ADGRE5: variants seen among roughly 807,000 people sequenced by gnomAD.
The protein encoded by ADGRE5 is adhesion G protein-coupled receptor E5, also known as CD97 molecule.
In ADGRE5, 72 loss-of-function variants were observed where a neutral mutation model predicts 100.3. The ratio of observed to expected loss-of-function variants is 0.72; its 90% confidence interval spans 0.59 to 0.87. The LOEUF (loss-of-function observed/expected upper bound fraction) is 0.87. Among genes scored for constraint, ADGRE5 ranks in the 40% least tolerant of loss-of-function variants. The pLI is 0.00. For missense variants in ADGRE5, 959 were observed against 1,094.7 expected (o/e 0.88, Z 1.75); for synonymous variants, 439 against 447.8 (o/e 0.98, Z 0.25).
rs1029084357 is a variant in ADGRE5, at chr19:14,408,642, G to A, written c.*521G>A. On this transcript the variant is annotated 3_prime_UTR_variant, in exon 20 of 20. Coordinates refer to ENST00000242786, the MANE Select transcript of ADGRE5 (RefSeq NM_078481.4). Reference sequence around the variant, plus strand: ...GGCAGGAGGTTCTCACTGTTGTGAAGGTTGTAGACGTTGTGTAATGTGTTT... The same window carrying A: ...GGCAGGAGGTTCTCACTGTTGTGAAAGTTGTAGACGTTGTGTAATGTGTTT... The A allele has an allele frequency of 4.1e-6, 2 of 485,830 alleles. No individual in the cohort carries two copies. Among genetic ancestry groups the A allele is most frequent in the South Asian group, 3.8e-5 (1 of 26,534 alleles). 30.1% of individuals were successfully genotyped at this position (485,830 alleles called of 1,614,324 possible). A position where few individuals can be genotyped will look rare whatever the true frequency, so the allele number is the denominator to read the frequency against.
At chr19:14,387,600 C>T (rs540539124) in intron 1 of ADGRE5, among the ~76,000 whole-genome samples, 22 of 151,648 alleles carry the variant, frequency 1.5e-4, no homozygotes, top group African/African-American at 4.6e-4. Flanking sequence ...TGGTGGTGGA[C>T]GCCTGTAGTC....
intron 9 of ADGRE5, among the ~76,000 whole-genome samples, chr19:14,400,068 G>A (rs894691617): frequency 7.3e-5 from 11 of 151,614 alleles, no homozygotes; most frequent in South Asian, 2.1e-4. Flanking sequence ...CGCCCAGGCC[G>A]GAGTGCAGTG....
Position 14,401,682 on chromosome 19 carries a change from G to C in ADGRE5, c.1105G>C (p.Asp369His). 6.3e-7 allele frequency: 1 copy of C among 1,592,874 alleles called. No individual in the cohort carries two copies. The highest frequency in any genetic ancestry group is 8.5e-7 in the Non-Finnish European group (1 of 1,170,114). ...GACCCTGATGATCCAGGAGCGGGGG[G>C]ACAAGAACGTCACTATGGGTCAGAG... ...ELTLMIQERG[D>H]KNVTMGQSSA... The change falls in exon 11 of 20, where the codon GAC becomes CAC. Residue 369 changes from aspartate (D) to histidine (H), a missense_variant. By Grantham distance (81) the Asp-to-His change is moderately conservative (BLOSUM62 -1). This residue lies in a region of ADGRE5 where 246 missense variants were observed against 242.2 expected (regional missense o/e 1.02). Transcript: ENST00000242786. This position sits in a 1 kb window ranked among gnomAD's most constrained non-coding sequence, Gnocchi z 4.1.
chr19:14,387,727 CA>C (rs952896625), intron 1 of ADGRE5, among the ~76,000 whole-genome samples: 254 of 143,256 alleles, frequency 1.8e-3, no homozygotes, highest in African/African-American at 5.5e-3. Context: ...GACTCCGTTT[CA>C]AAAAAAAAAA....
intron 4 of ADGRE5, among the ~76,000 whole-genome samples, chr19:14,395,892 G>C (rs558423085): frequency 1.6e-4 from 25 of 152,346 alleles, no homozygotes. Flanking sequence ...GTGTGGATGG[G>C]AGAGCAGCAT....
Position 14,406,960 on chromosome 19 carries a change from G to A in ADGRE5, c.2207G>A (p.Arg736Lys). Residue 736 changes from arginine (R) to lysine (K), a missense_variant and splice_region_variant, in exon 17 of 20, where the codon AGG (arginine) becomes AAG (lysine). Transcript: ENST00000242786. This position sits in a 1 kb window ranked among gnomAD's most constrained non-coding sequence, Gnocchi z 6.0. ...NPDMKKLKKARALTITAIAQL... is the reference protein window; with the variant it reads ...NPDMKKLKKAKALTITAIAQL... ...GACATGAAGAAATTAAAGAAGGCGA[G>A]GTGAGAGGAGAGGCTGGAAGGACTT... The A allele has an allele frequency of 1.9e-6, 3 of 1,614,104 alleles. No individual in the cohort carries two copies. Among genetic ancestry groups the A allele is most frequent in the Non-Finnish European group, 2.5e-6 (3 of 1,179,932 alleles).
chr19:14,402,854 C>G lies in ADGRE5; in HGVS notation c.1441C>G (p.Pro481Ala). The G allele has an allele frequency of 6.2e-7, 1 of 1,613,878 alleles. No individual in the cohort carries two copies. ...CGATGGGGAGGCGGGAAGAGACCCT[C>G]CTGCCAAGGTCTCTGCTCACTCTGC... is the stretch of plus-strand genomic sequence containing the variant. ...SSDGEAGRDP[P>A]AKDVMPGPRQ... Residue 481 changes from proline (P) to alanine (A), a missense_variant, in exon 12 of 20, where the codon CCT (proline) becomes GCT (alanine). By Grantham distance (27) the Pro-to-Ala change is conservative. This residue lies in a region of ADGRE5 where 246 missense variants were observed against 242.2 expected (regional missense o/e 1.02). Transcript: ENST00000242786.
chr19:14,402,924 T>C, intron 12 of ADGRE5, 62 bp downstream of exon 12: 1 of 1,544,078 alleles, frequency 6.5e-7, no homozygotes, highest in Non-Finnish European at 8.9e-7. Context: ...ATGCTGGGCC[T>C]CTCTCTGGGA....
At chr19:14,399,563 C>CAAAAAAAA (rs764605166) in intron 9 of ADGRE5, among the ~76,000 whole-genome samples, 2 of 31,852 alleles carry the variant, frequency 6.3e-5, no homozygotes, top group African/African-American at 9.8e-5. Context: ...GACTCCGTCT[C>CAAAAAAAA]AAAAAAAAAA....
At chr19:14,404,632 G>T in intron 13 of ADGRE5, 70 bp downstream of exon 13, 1 of 1,459,118 alleles carries the variant, frequency 6.9e-7, no homozygotes, top group Non-Finnish European at 9.4e-7. Flanking sequence ...CAGGCAGCTA[G>T]TTCTCCATGG....
rs1472403735 is a variant in ADGRE5 at position 14,406,342 on chromosome 19, C to T, written c.1833C>T (p.Arg611=). ...TCCCCGCCCCGCAGGTGGGGCTGCG[C>T]TGCCGCCTGGTGGCCGGGCTGCTGC... ...IENEGGQVGL[R]CRLVAGLLHY... is the part of the protein sequence containing the mutation. Residue 611 remains arginine, a synonymous_variant, in exon 15 of 20, where the codon CGC becomes CGT. Coordinates refer to ENST00000242786, the MANE Select transcript of ADGRE5 (RefSeq NM_078481.4). This position sits in a 1 kb window ranked among gnomAD's most constrained non-coding sequence, Gnocchi z 6.0. 4 of 1,568,646 alleles carry T rather than the reference C, an allele frequency of 2.5e-6. No individual in the cohort carries two copies. Among genetic ancestry groups the T allele is most frequent in the Non-Finnish European group, 3.4e-6 (4 of 1,159,654 alleles).
chr19:14,386,162 G>T (rs1407380987), intron 1 of ADGRE5, among the ~76,000 whole-genome samples: 1 of 151,780 alleles, frequency 6.6e-6, no homozygotes, highest in East Asian at 2.0e-4. Context: ...GGTGGATCAC[G>T]AGGTCAGGAG....
intron 1 of ADGRE5, among the ~76,000 whole-genome samples, chr19:14,383,027 C>T (rs1353024211): frequency 6.6e-6 from 1 of 152,084 alleles, no homozygotes; most frequent in East Asian, 1.9e-4. Flanking sequence ...TGAGCCACCG[C>T]GCCCAGCCAA....
chr19:14,394,961 G>GA (rs1975721971), intron 4 of ADGRE5, among the ~76,000 whole-genome samples: 1 of 152,160 alleles, frequency 6.6e-6, no homozygotes, highest in South Asian at 2.1e-4. Flanking sequence ...CAAAGCTTGG[G>GA]AGGATGCTGT....
chr19:14,405,923 A>C lies in ADGRE5; in HGVS notation c.1805A>C (p.Glu602Ala), dbSNP rs768684495. ...TCCACCATCTTCCTGGCCGGCATCG[A>C]GAACGAAGGCGGCCAGGTGAGGTCC... is the stretch of plus-strand genomic sequence containing the variant. ...VGSTIFLAGI[E>A]NEGGQVGLRC... is the part of the protein sequence containing the mutation. The change falls in exon 14 of 20, where the codon GAG (glutamate) becomes GCG (alanine). Residue 602 changes from glutamate to alanine, a missense_variant. Physicochemically the swap from Glu to Ala is moderately radical, Grantham distance 107 (BLOSUM62 -1). This residue lies in a region of ADGRE5 where 428 missense variants were observed against 386.2 expected (regional missense o/e 1.11). Coordinates refer to ENST00000242786, the MANE Select transcript of ADGRE5 (RefSeq NM_078481.4). 1.4e-4 allele frequency: 230 copies of C among 1,608,508 alleles called. No homozygotes were observed. Among genetic ancestry groups the C allele is most frequent in the Non-Finnish European group, 1.9e-4 (228 of 1,179,838 alleles).
intron 4 of ADGRE5, among the ~76,000 whole-genome samples, chr19:14,394,654 C>T (rs977864075): frequency 4.6e-5 from 7 of 152,078 alleles, no homozygotes; most frequent in African/African-American, 7.2e-5. Context: ...CCATCCTCTC[C>T]GCCATCGCCG....
At chr19:14,407,854 G>A (rs769674160) in intron 18 of ADGRE5, 54 bp from the exon 19 acceptor site, 11 of 1,446,818 alleles carry the variant, frequency 7.6e-6, no homozygotes, top group Non-Finnish European at 9.7e-6. Flanking sequence ...ATGGGGAGGA[G>A]CGTGCATGGT....
intron 9 of ADGRE5, 125 bp downstream of exon 9, chr19:14,398,264 A>T (rs1245060761): frequency 1.3e-6 from 1 of 781,698 alleles, no homozygotes; most frequent in Non-Finnish European, 2.2e-6. Context: ...TGCGCATAAC[A>T]TACACACACC....
chr19:14,385,769 A>AT (rs756579925), intron 1 of ADGRE5, among the ~76,000 whole-genome samples: 250 of 131,862 alleles, frequency 1.9e-3, no homozygotes, highest in African/African-American at 2.1e-3. Context: ...CAACACCGTC[A>AT]TTTTTTTTTT....
Sources: gnomAD v4.1 joint callset for allele counts (sites outside exome capture counted in the v4.1 genomes callset) on GRCh38, gnomAD v4.1.1 for gene constraint, gnomAD v4.1.1 regional missense constraint, Gnocchi (gnomAD v3.1) non-coding constraint, MANE v1.5 for transcripts, NCBI Gene and HGNC (gene_info 2026-07-23, HGNC 2026-07-21) for gene names.